The following POMGNT1 variants were observed in gnomAD, a reference collection of about 807,000 sequenced individuals.
The protein encoded by POMGNT1 is protein O-linked mannose N-acetylglucosaminyltransferase 1 (beta 1,2-), also known as protein O-linked-mannose beta-1,2-N-acetylglucosaminyltransferase 1.
In POMGNT1, 67 loss-of-function variants were observed where a neutral mutation model predicts 95.6. The ratio of observed to expected loss-of-function variants is 0.70; its 90% CI spans 0.58 to 0.86. The LOEUF is 0.86. POMGNT1 is among the 40% of genes least tolerant of loss of function. The pLI is 0.00. For missense variants in POMGNT1, 719 were observed against 855.2 expected (o/e 0.84, Z 1.99); for synonymous variants, 298 against 317.9 (o/e 0.94, Z 0.66).
rs1658708651 is a variant in POMGNT1, at chr1:46,206,179, G to A, written c.-50-8308C>T. Among the ~76,000 whole-genome samples the A allele has an allele frequency of 2.0e-5, 3 of 152,198 alleles. No individual in the cohort carries two copies. In the South Asian group the frequency reaches 6.2e-4, roughly 32 times the overall value. ...AAGCTTTAGGCAAGGAAGAATGCAC[G>A]GGTTCAAGTCTTGGCTCTGCTTCTG... On this transcript the variant is annotated intron_variant, in intron 1 of 22. Coordinates refer to the POMGNT1 transcript ENST00000371992.
At chr1:46,210,063 T>C (rs1440010224) in intron 1 of POMGNT1, among the ~76,000 whole-genome samples, 2 of 152,200 alleles carry the variant, frequency 1.3e-5, no homozygotes, top group Non-Finnish European at 2.9e-5. Context: ...TTATTTATGT[T>C]CATCTCCCCT....
chr1:46,195,446 C>T, intron 6 of POMGNT1: 1 of 379,442 alleles, frequency 2.6e-6, no homozygotes, highest in East Asian at 6.5e-5. Flanking sequence ...AATGTCCCCT[C>T]CCCTCTATCA....
At chr1:46,210,710 T>C (rs1384298492) in intron 1 of POMGNT1, among the ~76,000 whole-genome samples, 1 of 152,164 alleles carries the variant, frequency 6.6e-6, no homozygotes, top group Non-Finnish European at 1.5e-5. Context: ...ACTTCTGTGC[T>C]CTCCCTGGGT....
In POMGNT1 at chr1:46,196,587, A is replaced by G; in HGVS notation, c.354+144T>C. 1.3e-6 allele frequency: 2 copies of G among 1,501,646 alleles called. No individual in the cohort carries two copies. Among genetic ancestry groups the G allele is most frequent in the Non-Finnish European group, 1.8e-6 (2 of 1,109,584 alleles). 93.0% of individuals were successfully genotyped at this position (1,501,646 alleles called of 1,614,324 possible). On this transcript the variant is annotated intron_variant, in intron 4 of 21. Coordinates refer to ENST00000371984, the MANE Select transcript of POMGNT1 (RefSeq NM_017739.4). The surrounding 1 kb of genome is among the most constrained non-coding windows in gnomAD (Gnocchi z 4.4). ...AAGTAGAAATCATTAGTCCCAGTCT[A>G]TAGATAAGGAATCGAGGACTCCAAA...
At chr1:46,202,920 G>GTGGTGTGTGTGTGTGTGT (rs540959987), upstream of POMGNT1, among the ~76,000 whole-genome samples, 37 of 64,514 alleles carry the variant, frequency 5.7e-4, 1 homozygote, top group East Asian at 2.1e-3. Flanking sequence ...GGGGGGGGGT[G>GTGGTGTGTGTGTGTGTGT]GTGTGTGTGT....
At chr1:46,218,354 C>G (rs1659128401) in intron 1 of POMGNT1, among the ~76,000 whole-genome samples, 1 of 152,094 alleles carries the variant, frequency 6.6e-6, no homozygotes, top group Admixed American at 6.5e-5. Context: ...CCACTGCACT[C>G]TAGCCTGAGT....
chr1:46,206,837 A>C (rs1486856194), intron 1 of POMGNT1, among the ~76,000 whole-genome samples: 1 of 152,172 alleles, frequency 6.6e-6, no homozygotes, highest in Non-Finnish European at 1.5e-5. Flanking sequence ...CCAGAAATGG[A>C]TTGGGCAGGA....
chr1:46,202,652 G>A (rs1658566849), upstream of POMGNT1, among the ~76,000 whole-genome samples: 1 of 131,466 alleles, frequency 7.6e-6, no homozygotes, highest in African/African-American at 2.9e-5. Context: ...AGCCAAGATC[G>A]CGCCACCACG....
At position 46,212,350 on chromosome 1, in the gene POMGNT1, A is replaced by G. The variant is rs562325856; in HGVS notation, c.-51+7355T>C. The stretch of plus-strand genomic sequence containing the variant: ...GGCTGGAGTGCAGTGGCGCGATCTC[A>G]GCTCACTGCAAGCTCCGCCTCCCGG... On this transcript the variant is annotated intron_variant, in intron 1 of 22. Coordinates refer to the POMGNT1 transcript ENST00000371992. 5.6e-4 allele frequency among the ~76,000 whole-genome samples: 84 copies of G among 149,998 alleles called. 1 individual carries two copies. In the East Asian group the frequency reaches 0.014, roughly 25 times the overall value.
chr1:46,208,139 T>C (rs2148240004), intron 1 of POMGNT1, among the ~76,000 whole-genome samples: 1 of 152,134 alleles, frequency 6.6e-6, no homozygotes, highest in Non-Finnish European at 1.5e-5. Context: ...GGATTACAGG[T>C]GTGAGCCACC....
upstream of POMGNT1, among the ~76,000 whole-genome samples, chr1:46,200,805 T>C (rs1658511777): frequency 6.6e-6 from 1 of 152,220 alleles, no homozygotes; most frequent in South Asian, 2.1e-4. Context: ...TTACTCCTCC[T>C]ATCCTTTTCT....
intron 1 of POMGNT1, among the ~76,000 whole-genome samples, chr1:46,219,226 C>T (rs545943504): frequency 8.0e-5 from 12 of 150,756 alleles, no homozygotes; most frequent in Admixed American, 5.3e-4. Flanking sequence ...ACCCAGGAGG[C>T]GGAGGTTGCG....
At chr1:46,199,303 G>T (rs890690193), upstream of POMGNT1, among the ~76,000 whole-genome samples, 2 of 152,192 alleles carry the variant, frequency 1.3e-5, no homozygotes, top group Non-Finnish European at 2.9e-5. Context: ...ACAAAGCTAG[G>T]AGAGGTGGAA....
At chr1:46,192,993 G>C (rs1186702943) in intron 13 of POMGNT1, 35 bp from the exon 14 acceptor site, 2 of 1,612,650 alleles carry the variant, frequency 1.2e-6, no homozygotes, top group African/African-American at 2.7e-5. Flanking sequence ...GTCCCAAAGG[G>C]GTCTCTCCAT....
At chr1:46,215,070 C>CA (rs1335427143) in intron 1 of POMGNT1, among the ~76,000 whole-genome samples, 6 of 151,488 alleles carry the variant, frequency 4.0e-5, no homozygotes, top group African/African-American at 1.5e-4. Context: ...ACTAAAGATA[C>CA]AAAAAATTAG....
exon 1 of POMGNT1, chr1:46,219,853 G>T: frequency 6.2e-7 from 1 of 1,614,038 alleles, no homozygotes; most frequent in Non-Finnish European, 8.5e-7. Flanking sequence ...ACAGGCGGGA[G>T]CCCAGGCCGC....
Position 46,195,808 on chromosome 1 carries a change from G to A in POMGNT1, c.534+3C>T. 1 of 1,587,028 alleles carries A rather than the reference G, an allele frequency of 6.3e-7. No homozygotes were observed. Among genetic ancestry groups the A allele is most frequent in the Non-Finnish European group, 8.6e-7 (1 of 1,165,132 alleles). On this transcript the variant is annotated splice_donor_region_variant and intron_variant, in intron 6 of 21. Transcript: ENST00000371984. The stretch of plus-strand genomic sequence containing the variant: ...GGGTCAGGGTCAGGACAGAATAACT[G>A]ACCTTGACAGTGCAGATGAGCACTC...
chr1:46,213,658 T>C (rs1203061284), intron 1 of POMGNT1, among the ~76,000 whole-genome samples: 1 of 152,080 alleles, frequency 6.6e-6, no homozygotes, highest in East Asian at 1.9e-4. Flanking sequence ...AGTTTGAGGC[T>C]ACAGTGAGCT....
chr1:46,188,785 C>G lies in POMGNT1; in HGVS notation c.*485G>C, dbSNP rs1401489757. On this transcript the variant is annotated 3_prime_UTR_variant, in exon 22 of 22. Coordinates refer to ENST00000371984, the MANE Select transcript of POMGNT1 (RefSeq NM_017739.4). ...GAGGCCTGGTCCAGTGTCTAAGGGT[C>G]TCTGAGTGAGTCTGTGTCAGCATGT... is the stretch of plus-strand genomic sequence containing the variant. 3 of 1,612,786 alleles carry G rather than the reference C, an allele frequency of 1.9e-6. No individual in the cohort carries two copies. The highest frequency in any genetic ancestry group is 2.5e-6 in the Non-Finnish European group (3 of 1,179,906).
Sources: gnomAD v4.1 joint callset for allele counts (sites outside exome capture counted in the v4.1 genomes callset) on GRCh38, gnomAD v4.1.1 for gene constraint, Gnocchi (gnomAD v3.1) non-coding constraint, MANE v1.5 for transcripts, NCBI Gene and HGNC (gene_info 2026-07-23, HGNC 2026-07-21) for gene names.